The following TNS3 variants were observed in gnomAD, a reference collection of about 807,000 sequenced individuals.
The protein encoded by TNS3 is tensin-3.
Under a neutral mutation model 140.9 loss-of-function variants are expected in TNS3, and 45 were observed. The ratio of observed to expected loss-of-function variants is 0.32; its 90% CI spans 0.25 to 0.41. The LOEUF (loss-of-function observed/expected upper bound fraction) is 0.41, where lower values mean the gene tolerates loss of function less well. TNS3 is among the 10% of genes least tolerant of loss of function. The pLI, the probability that TNS3 is intolerant of heterozygous loss-of-function variation, is 1.00. For synonymous variants in TNS3, 815 were observed against 788.4 expected (o/e 1.03, Z -0.56); for missense variants, 1,716 against 1,906.7 (o/e 0.90, Z 1.86).
intron 1 of TNS3, among the ~76,000 whole-genome samples, chr7:47,546,778 CT>C (rs1562848387): frequency 2.0e-5 from 3 of 152,200 alleles, no homozygotes; most frequent in Admixed American, 1.3e-4. Context: ...CAGACATGGG[CT>C]TGCGGCATAC....
At chr7:47,406,908 C>A (rs1384450128) in intron 13 of TNS3, among the ~76,000 whole-genome samples, 3 of 152,132 alleles carry the variant, frequency 2.0e-5, no homozygotes, top group Non-Finnish European at 4.4e-5. Context: ...GCGGCGTGGG[C>A]ATCCTGTGCT....
At chr7:47,292,734 A>T in intron 26 of TNS3, 94 bp downstream of exon 26, 1 of 1,161,386 alleles carries the variant, frequency 8.6e-7, no homozygotes, top group Non-Finnish European at 1.2e-6. Flanking sequence ...CAGTCTTATT[A>T]TTTTTCTCAG....
chr7:47,391,915 G>C lies in TNS3; in HGVS notation c.1024+4885C>G, dbSNP rs76300702. Among the ~76,000 whole-genome samples, 110 of 152,230 alleles carry C rather than the reference G, an allele frequency of 7.2e-4. 2 individuals carry two copies. In the East Asian group the frequency reaches 0.017, roughly 23 times the overall value. ...AAGTCAAGGGTATGAGCCCTGTCCC[G>C]CACGGTCTCGAGCACAAGACACACT... On this transcript the variant is annotated intron_variant, in intron 16 of 30. Coordinates refer to ENST00000311160, the MANE Select transcript of TNS3 (RefSeq NM_022748.12).
chr7:47,283,953 A>G (rs541731697), intron 27 of TNS3, 88 bp from the exon 28 acceptor site: 1 of 1,317,326 alleles, frequency 7.6e-7, no homozygotes, highest in Non-Finnish European at 1.0e-6. Flanking sequence ...TGATGTGCAG[A>G]CTGGGTTTAT....
chr7:47,410,384 T>C (rs543575083), intron 13 of TNS3, among the ~76,000 whole-genome samples: 80 of 152,312 alleles, frequency 5.3e-4, no homozygotes, highest in Middle Eastern at 3.4e-3. Flanking sequence ...AAGATGTTTA[T>C]AAAGTGCTTA....
At chr7:47,389,080 A>AGAAGAGGAAGAGGAAGAGGAAGAG in intron 16 of TNS3, among the ~76,000 whole-genome samples, 2 of 65,850 alleles carry the variant, frequency 3.0e-5, no homozygotes, top group South Asian at 6.4e-4. Flanking sequence ...AAGAAGAAGA[A>AGAAGAGGAAGAGGAAGAGGAAGAG]GAAGAGGAAG....
At chr7:47,443,464 C>G (rs1250593565) in intron 4 of TNS3, among the ~76,000 whole-genome samples, 1 of 152,154 alleles carries the variant, frequency 6.6e-6, no homozygotes, top group Non-Finnish European at 1.5e-5. Context: ...AAGCCCTAAC[C>G]CAAAGCCTTT....
intron 17 of TNS3, among the ~76,000 whole-genome samples, chr7:47,356,923 C>CAA (rs35835302): frequency 0.11 from 13,910 of 131,744 alleles, 841 homozygotes; most frequent in South Asian, 0.15. Context: ...CAGAAAAATA[C>CAA]AAAAAAAAAA....
intron 4 of TNS3, among the ~76,000 whole-genome samples, chr7:47,466,457 T>C (rs546044529): frequency 2.0e-4 from 31 of 152,336 alleles, no homozygotes; most frequent in African/African-American, 4.6e-4. Context: ...AGTTCCTTTT[T>C]CTTCCTCCTC....
At position 47,389,178 on chromosome 7, in the gene TNS3, AAGAAGC is replaced by A. The variant is rs1172394344; in HGVS notation, c.1024+7616_1024+7621del. 4.9e-3 allele frequency among the ~76,000 whole-genome samples: 97 copies of A among 19,706 alleles called. 21 individuals carry two copies. The highest frequency in any genetic ancestry group is 7.7e-3 in the African/African-American group (84 of 10,958). 12.9% of individuals were successfully genotyped at this position (19,706 alleles called of 152,430 possible). On this transcript the variant is annotated intron_variant, in intron 16 of 30. Transcript: ENST00000311160. ...GAAGCAGAAGAAGCAGCAGAAGCAG[AAGAAGC>A]AGAAGAAGAAGAAGAAGAAGAAGAG...
At chr7:47,422,189 T>C (rs757264046) in intron 10 of TNS3, among the ~76,000 whole-genome samples, 2 of 152,168 alleles carry the variant, frequency 1.3e-5, no homozygotes, top group African/African-American at 2.4e-5. Context: ...GTAAGGGGCA[T>C]TTCCCTAATC....
chr7:47,422,719 C>A (rs557694761), intron 10 of TNS3, among the ~76,000 whole-genome samples: 51 of 151,658 alleles, frequency 3.4e-4, no homozygotes, highest in Non-Finnish European at 5.6e-4. Context: ...GAAATAAGAA[C>A]AAAAAAAAGA....
rs187018793 is a variant in TNS3 at position 47,388,943 on chromosome 7, G to T, written c.1024+7857C>A. On this transcript the variant is annotated intron_variant, in intron 16 of 30. Coordinates refer to ENST00000311160, the MANE Select transcript of TNS3 (RefSeq NM_022748.12). ...AGAGGGAGGAGAAGAGAAGAAGAAG[G>T]AGAAGCAGAAACAGAAGAAGCAGAA... Among the ~76,000 whole-genome samples the T allele has an allele frequency of 2.2e-3, 322 of 146,122 alleles. 1 individual carries two copies. Among genetic ancestry groups the T allele is most frequent in the Non-Finnish European group, 3.2e-3 (213 of 65,924 alleles).
At chr7:47,402,026 C>G (rs1173745407) in intron 13 of TNS3, among the ~76,000 whole-genome samples, 2 of 152,158 alleles carry the variant, frequency 1.3e-5, no homozygotes, top group Non-Finnish European at 1.5e-5. Context: ...TGCCTCACAA[C>G]AGTAAATGAG....
chr7:47,406,871 A>G (rs1793479460), intron 13 of TNS3, among the ~76,000 whole-genome samples: 1 of 152,180 alleles, frequency 6.6e-6, no homozygotes, highest in South Asian at 2.1e-4. Context: ...AGGCACAGGG[A>G]AAAACTGAAG....
rs1786495234 is a variant in TNS3 at position 47,302,987 on chromosome 7, G to A, written c.3420C>T (p.Asp1140=). The change falls in exon 22 of 31, where the codon GAC becomes GAT. Residue 1140 remains aspartate, a synonymous_variant. Coordinates refer to ENST00000311160, the MANE Select transcript of TNS3 (RefSeq NM_022748.12). ...AGGCCGCTTCTGAAGCCTTGGAAAA[G>A]TCGGGAAGGACATTTGGGAAGGGGA... ...ISIPFPNVLP[D]FSKASEAASP... The A allele has an allele frequency of 6.2e-7, 1 of 1,612,364 alleles. No individual in the cohort carries two copies. The highest frequency in any genetic ancestry group is 1.3e-5 in the African/African-American group (1 of 74,910).
chr7:47,281,602 T>TC (rs1260332576), intron 28 of TNS3, among the ~76,000 whole-genome samples: 1 of 152,114 alleles, frequency 6.6e-6, no homozygotes, highest in Non-Finnish European at 1.5e-5. Flanking sequence ...GGTGAGAAGA[T>TC]CCCCCTTTTG....
chr7:47,371,530 C>G (rs796287900), intron 16 of TNS3, among the ~76,000 whole-genome samples: 4 of 152,318 alleles, frequency 2.6e-5, no homozygotes, highest in African/African-American at 9.6e-5. Context: ...CACCTGGAGG[C>G]TCTGTCAGTG....
intron 17 of TNS3, among the ~76,000 whole-genome samples, chr7:47,361,339 C>T (rs1235116723): frequency 6.6e-6 from 1 of 152,122 alleles, no homozygotes; most frequent in Admixed American, 6.5e-5. Context: ...TCTCCAGCCT[C>T]ACTCCCCAGC....
Sources: allele counts gnomAD v4.1 joint callset (sites outside exome capture counted in the v4.1 genomes callset), GRCh38; gene constraint gnomAD v4.1.1; transcripts MANE v1.5; gene names NCBI Gene and HGNC (gene_info 2026-07-23, HGNC 2026-07-21).